LZTFL1: variants seen among roughly 807,000 people sequenced by gnomAD.
LZTFL1 encodes the protein leucine zipper transcription factor like 1, also known as leucine zipper transcription factor-like protein 1.
LZTFL1 carries 25 observed loss-of-function variants against 45.9 expected under a neutral mutation model. The ratio of observed to expected loss-of-function variants is 0.54; its 90% CI spans 0.40 to 0.76. LZTFL1 has a LOEUF of 0.76. Ranked by LOEUF, LZTFL1 falls within the 30% of genes least tolerant of loss-of-function variation. The pLI is 0.00. For missense variants in LZTFL1, 277 were observed against 331.1 expected (o/e 0.84, Z 1.27); for synonymous variants, 93 against 117.4 (o/e 0.79, Z 1.35).
At chr3:45,908,567 G>A (rs1445014629) in intron 2 of LZTFL1, among the ~76,000 whole-genome samples, 1 of 151,960 alleles carries the variant, frequency 6.6e-6, no homozygotes, top group Non-Finnish European at 1.5e-5. Context: ...CAGGGAAGGC[G>A]TCCCTGAGGA....
chr3:45,878,192 T>C (rs942077207), intron 2 of LZTFL1, among the ~76,000 whole-genome samples: 1 of 152,226 alleles, frequency 6.6e-6, no homozygotes, highest in African/African-American at 2.4e-5. Context: ...TGTTTAAAAA[T>C]CTATTCTTTC....
intron 2 of LZTFL1, among the ~76,000 whole-genome samples, chr3:45,893,638 C>T (rs1038577788): frequency 3.3e-5 from 5 of 152,228 alleles, no homozygotes; most frequent in Non-Finnish European, 5.9e-5. Context: ...ATCGGTCATT[C>T]ATTCCCTATT....
intron 4 of LZTFL1, among the ~76,000 whole-genome samples, chr3:45,850,351 G>T (rs975080133): frequency 2.0e-5 from 3 of 152,182 alleles, no homozygotes; most frequent in African/African-American, 7.2e-5. Flanking sequence ...GCATGAGTAT[G>T]CAGAGGCTAC....
chr3:45,834,153 G>T, intron 4 of LZTFL1, 85 bp downstream of exon 4: 1 of 745,142 alleles, frequency 1.3e-6, no homozygotes, highest in Non-Finnish European at 2.2e-6. Flanking sequence ...AGAGTTCTCA[G>T]TTTTGATCTC....
chr3:45,877,365 C>T (rs992610147), intron 2 of LZTFL1, among the ~76,000 whole-genome samples: 1 of 151,844 alleles, frequency 6.6e-6, no homozygotes, highest in Admixed American at 6.6e-5. Flanking sequence ...TCCCAAGTAG[C>T]TGGGACTACA....
chr3:45,826,168 A>G lies in LZTFL1; in HGVS notation c.*146T>C. On this transcript the variant is annotated 3_prime_UTR_variant, in exon 10 of 10. Transcript: ENST00000296135. Reference sequence around the variant, plus strand: ...TTTCTCTGTTTTCAACTAGCTGAAAATAGGAACTCTAGTTCTAAATATTCA... The same window carrying G: ...TTTCTCTGTTTTCAACTAGCTGAAAGTAGGAACTCTAGTTCTAAATATTCA... 1 of 710,270 alleles carries G rather than the reference A, an allele frequency of 1.4e-6. No homozygotes were observed. Among genetic ancestry groups the G allele is most frequent in the Non-Finnish European group, 2.4e-6 (1 of 416,288 alleles). The allele number at this position is 710,270 out of a possible 1,614,324, so 44.0% of individuals were successfully genotyped here. A position where few individuals can be genotyped will look rare whatever the true frequency, so the allele number is the denominator to read the frequency against.
chr3:45,886,201 A>G lies in LZTFL1; in HGVS notation c.-215+26919T>C, dbSNP rs148356512. On this transcript the variant is annotated intron_variant, in intron 2 of 4. Coordinates refer to the LZTFL1 transcript ENST00000472635. ...GATACAGGCCTGCTCAGGTGACACC[A>G]CCTAAAGAAATCTCATCAGTGTGCA... is the stretch of plus-strand genomic sequence containing the variant. 9.2e-3 allele frequency among the ~76,000 whole-genome samples: 1,404 copies of G among 152,154 alleles called. 27 individuals carry two copies. Among genetic ancestry groups the G allele is most frequent in the African/African-American group, 0.032 (1,327 of 41,502 alleles).
At chr3:45,895,436 C>T (rs1244824406) in intron 2 of LZTFL1, among the ~76,000 whole-genome samples, 1 of 152,204 alleles carries the variant, frequency 6.6e-6, no homozygotes, top group African/African-American at 2.4e-5. Flanking sequence ...TCAGTCTGGG[C>T]GTGGTAGCTC....
intron 2 of LZTFL1, among the ~76,000 whole-genome samples, chr3:45,894,105 G>A (rs1048511892): frequency 2.0e-5 from 3 of 152,212 alleles, no homozygotes; most frequent in African/African-American, 7.2e-5. Context: ...CTTCGTCCTC[G>A]AAGGCAGTCA....
chr3:45,871,796 C>G (rs1383907087), intron 2 of LZTFL1, among the ~76,000 whole-genome samples: 1 of 152,102 alleles, frequency 6.6e-6, no homozygotes. Flanking sequence ...CTACCAGGCG[C>G]TTTATAACAA....
rs540096023 is a variant in LZTFL1, at chr3:45,870,456, T to A, written c.-214-11440A>T. 5.3e-5 allele frequency among the ~76,000 whole-genome samples: 8 copies of A among 152,350 alleles called. No homozygotes were observed. In the East Asian group the frequency reaches 1.5e-3, roughly 29 times the overall value. On this transcript the variant is annotated intron_variant, in intron 2 of 4. Coordinates refer to the LZTFL1 transcript ENST00000472635. ...GCTATCCTCAGGGTGAGTTATGGTG[T>A]CTCTGTGTGTGTGCACATGTGTGCG... is the stretch of plus-strand genomic sequence containing the variant.
intron 5 of LZTFL1, 114 bp downstream of exon 5, chr3:45,832,936 A>G: frequency 2.7e-6 from 2 of 740,582 alleles, no homozygotes; most frequent in South Asian, 3.4e-5. Flanking sequence ...AACTACTGCA[A>G]TGGACTAATT....
chr3:45,890,347 T>TATTTATATAAATATATATATAA (rs1702134835), intron 2 of LZTFL1, among the ~76,000 whole-genome samples: 1 of 24,530 alleles, frequency 4.1e-5, no homozygotes, highest in Non-Finnish European at 6.4e-5. Flanking sequence ...CATATATATA[T>TATTTATATAAATATATATATAA]AACATATATA....
chr3:45,891,086 G>A (rs540187417), intron 2 of LZTFL1, among the ~76,000 whole-genome samples: 5 of 152,316 alleles, frequency 3.3e-5, no homozygotes, highest in South Asian at 4.1e-4. Flanking sequence ...CTGCAAACAC[G>A]TGTGTTACTT....
intron 8 of LZTFL1, 86 bp downstream of exon 8, chr3:45,828,353 C>T (rs755395024): frequency 1.7e-6 from 2 of 1,188,074 alleles, no homozygotes; most frequent in Non-Finnish European, 2.4e-6. Context: ...AGTTGTCCAA[C>T]GTTTATCTTA....
At chr3:45,845,455 G>C (rs1360388655), upstream of LZTFL1, among the ~76,000 whole-genome samples, 1 of 152,184 alleles carries the variant, frequency 6.6e-6, no homozygotes, top group Non-Finnish European at 1.5e-5. Flanking sequence ...TTTAACAGGA[G>C]TGTGGAAAAG....
intron 2 of LZTFL1, among the ~76,000 whole-genome samples, chr3:45,892,191 A>G (rs989730409): frequency 2.0e-5 from 3 of 152,230 alleles, no homozygotes; most frequent in African/African-American, 7.2e-5. Flanking sequence ...ATACATATAC[A>G]TATACAAATT....
At chr3:45,842,229 T>A (rs1701140083), upstream of LZTFL1, 1 of 1,257,156 alleles carries the variant, frequency 8.0e-7, no homozygotes, top group Non-Finnish European at 1.1e-6. Context: ...ACATGCGCAT[T>A]GGCTTCCAGG....
At chr3:45,855,599 A>G (rs1169105019) in intron 3 of LZTFL1, among the ~76,000 whole-genome samples, 2 of 152,222 alleles carry the variant, frequency 1.3e-5, no homozygotes, top group African/African-American at 2.4e-5. Context: ...AAATAGGAAC[A>G]GAGGAAGTCA....
Sources: allele counts gnomAD v4.1 joint callset (sites outside exome capture counted in the v4.1 genomes callset), GRCh38; gene constraint gnomAD v4.1.1; transcripts MANE v1.5; gene names NCBI Gene and HGNC (gene_info 2026-07-23, HGNC 2026-07-21).